OSBPL9: variants seen among roughly 807,000 people sequenced by gnomAD.
OSBPL9 encodes the protein oxysterol-binding protein-related protein 9.
In OSBPL9, 40 loss-of-function variants were observed where a neutral mutation model predicts 106.6. The observed-to-expected ratio is 0.38, with a 90% CI of 0.29 to 0.49. OSBPL9 has a LOEUF of 0.49. Among genes scored for constraint, OSBPL9 ranks in the 20% least tolerant of loss-of-function variants. The pLI is 0.97. For missense variants in OSBPL9, 609 were observed against 887.2 expected, an observed-to-expected ratio of 0.69 and a Z score of 3.98; for synonymous variants, 269 against 295.4, an observed-to-expected ratio of 0.91 and a Z score of 0.92.
chr1:51,614,712 G>A (rs1225954446), upstream of OSBPL9, among the ~76,000 whole-genome samples: 1 of 151,994 alleles, frequency 6.6e-6, no homozygotes, highest in Admixed American at 6.6e-5. Flanking sequence ...TATTAATTGA[G>A]TGCTTACTAT....
At chr1:51,598,892 G>A (rs1645314901) in intron 2 of OSBPL9, among the ~76,000 whole-genome samples, 1 of 151,996 alleles carries the variant, frequency 6.6e-6, no homozygotes, top group African/African-American at 2.4e-5. Flanking sequence ...TACTCAGGAG[G>A]CTGAGGCAGG....
intron 1 of OSBPL9, among the ~76,000 whole-genome samples, chr1:51,648,159 ACACT>A (rs1646288425): frequency 6.6e-6 from 1 of 152,198 alleles, no homozygotes. Context: ...TGGTAAGATA[ACACT>A]CAGTAGGAAG....
chr1:51,748,960 C>CT (rs1487213011), intron 7 of OSBPL9, among the ~76,000 whole-genome samples: 1 of 152,106 alleles, frequency 6.6e-6, no homozygotes, highest in Non-Finnish European at 1.5e-5. Context: ...TGGCTTATGC[C>CT]TGTAATCCTA....
intron 4 of OSBPL9, among the ~76,000 whole-genome samples, chr1:51,716,377 C>T (rs1231708615): frequency 6.6e-6 from 1 of 152,234 alleles, no homozygotes; most frequent in Non-Finnish European, 1.5e-5. Context: ...CTTACTGTCT[C>T]TGAGTTTCAG....
intron 8 of OSBPL9, chr1:51,752,579 A>G (rs1480279098): frequency 4.4e-6 from 2 of 454,690 alleles, no homozygotes; most frequent in Non-Finnish European, 8.8e-6. Flanking sequence ...AAAATACCAT[A>G]GACTGGGTGG....
the OSBPL9 span, among the ~76,000 whole-genome samples, chr1:51,524,997 G>T: frequency 1.3e-5 from 2 of 152,172 alleles, no homozygotes. Flanking sequence ...AAATCACAAG[G>T]CAAGTCAGAG....
rs935481033 is a variant in OSBPL9 at position 51,729,790 on chromosome 1, A to T, written c.318+15711A>T. 2.5e-6 allele frequency: 3 copies of T among 1,194,144 alleles called. No homozygotes were observed. Among genetic ancestry groups the T allele is most frequent in the South Asian group, 4.6e-5 (1 of 21,786 alleles). 74.0% of individuals were successfully genotyped at this position (1,194,144 alleles called of 1,614,324 possible). Reference sequence around the variant, plus strand: ...AATCGGGGCGACCCCTCCGCCGGGGAGGGGACGGGAAAGGGGTGGGGGGTG... The same window carrying T: ...AATCGGGGCGACCCCTCCGCCGGGGTGGGGACGGGAAAGGGGTGGGGGGTG... On this transcript the variant is annotated intron_variant, in intron 4 of 23. Transcript: ENST00000428468. This position sits in a 1 kb window ranked among gnomAD's most constrained non-coding sequence, Gnocchi z 5.1.
intron 4 of OSBPL9, among the ~76,000 whole-genome samples, chr1:51,732,485 T>A (rs955807362): frequency 1.3e-5 from 2 of 152,230 alleles, no homozygotes; most frequent in Non-Finnish European, 2.9e-5. Context: ...ATACTGACAA[T>A]GTAATTAAGC....
At chr1:51,751,776 C>T (rs946490079) in intron 8 of OSBPL9, among the ~76,000 whole-genome samples, 1 of 152,182 alleles carries the variant, frequency 6.6e-6, no homozygotes, top group Non-Finnish European at 1.5e-5. Context: ...GATAGTTGTA[C>T]AGTAGGTCAG....
chr1:51,705,428 T>C (rs1205507807), intron 3 of OSBPL9, among the ~76,000 whole-genome samples: 149 of 127,366 alleles, frequency 1.2e-3, no homozygotes, highest in African/African-American at 4.6e-3. Context: ...TTTTTTTTTT[T>C]TTGAGACGGA....
the OSBPL9 span, chr1:51,563,512 T>C: frequency 6.6e-6 from 1 of 152,028 alleles, no homozygotes; most frequent in Non-Finnish European, 1.5e-5. Flanking sequence ...ATTTGCGGGG[T>C]TTAGGGGAAG....
intron 4 of OSBPL9, among the ~76,000 whole-genome samples, chr1:51,742,326 A>G (rs1667107229): frequency 6.6e-6 from 1 of 152,206 alleles, no homozygotes; most frequent in Non-Finnish European, 1.5e-5. Context: ...TGTAAGAAGT[A>G]TGAAGTCACA....
chr1:51,533,575 C>T, the OSBPL9 span, among the ~76,000 whole-genome samples: 7 of 151,124 alleles, frequency 4.6e-5, no homozygotes, highest in East Asian at 1.9e-4. Flanking sequence ...AAGGAATCTG[C>T]GAGTAAACGT....
At chr1:51,752,382 C>T (rs1669439419) in intron 8 of OSBPL9, 1 of 317,456 alleles carries the variant, frequency 3.2e-6, no homozygotes, top group Non-Finnish European at 6.4e-6. Context: ...CTTTTCCTGA[C>T]TCCTGTATCT....
chr1:51,693,039 G>T (rs1241877012), intron 3 of OSBPL9, among the ~76,000 whole-genome samples: 2 of 152,020 alleles, frequency 1.3e-5, no homozygotes. Context: ...CTATAATTAT[G>T]ACTACCAATT....
At chr1:51,756,249 T>C in intron 8 of OSBPL9, 71 bp from the exon 9 acceptor site, 1 of 1,316,696 alleles carries the variant, frequency 7.6e-7, no homozygotes. Context: ...TAAGCTTTCT[T>C]GTAGGAGAAA....
At chr1:51,615,648 C>G (rs1314461192), upstream of OSBPL9, among the ~76,000 whole-genome samples, 10 of 152,148 alleles carry the variant, frequency 6.6e-5, no homozygotes, top group Non-Finnish European at 1.5e-5. Flanking sequence ...GAAAGCCCTT[C>G]CCTTGACCAC....
chr1:51,697,758 T>C (rs903081696), intron 3 of OSBPL9, among the ~76,000 whole-genome samples: 3 of 150,472 alleles, frequency 2.0e-5, no homozygotes, highest in African/African-American at 7.4e-5. Flanking sequence ...AGATATGTAA[T>C]AAATGAGCAA....
At chr1:51,755,346 G>A (rs146401710) in intron 8 of OSBPL9, among the ~76,000 whole-genome samples, 17 of 152,052 alleles carry the variant, frequency 1.1e-4, no homozygotes, top group African/African-American at 2.7e-4. Flanking sequence ...TTCTATCACC[G>A]CAAAAAGAAA....
Sources: allele counts gnomAD v4.1 joint callset (sites outside exome capture counted in the v4.1 genomes callset), GRCh38; gene constraint gnomAD v4.1.1; non-coding constraint Gnocchi (gnomAD v3.1); transcripts MANE v1.5; gene names NCBI Gene and HGNC (gene_info 2026-07-23, HGNC 2026-07-21).